The following LARP1B variants were observed in gnomAD, a reference collection of about 807,000 sequenced individuals.
The protein encoded by LARP1B is La ribonucleoprotein 1B.
In LARP1B, 76 loss-of-function variants were observed where a neutral mutation model predicts 114.2. The ratio of observed to expected loss-of-function variants is 0.67; its 90% CI spans 0.55 to 0.81. The LOEUF (loss-of-function observed/expected upper bound fraction) is 0.81. LARP1B is among the 30% of genes least tolerant of loss of function. The pLI is 0.00. For synonymous variants in LARP1B, 345 were observed against 348.0 expected, an observed-to-expected ratio of 0.99 and a Z score of 0.10; for missense variants, 1,014 against 1,075.8, an observed-to-expected ratio of 0.94 and a Z score of 0.80.
At chr4:128,152,117 A>G (rs866318476) in intron 11 of LARP1B, among the ~76,000 whole-genome samples, 9 of 152,014 alleles carry the variant, frequency 5.9e-5, no homozygotes, top group African/African-American at 2.2e-4. Flanking sequence ...ATATTTTAAA[A>G]CTGTGTTCCC....
At chr4:128,068,445 C>G (rs554799028) in intron 1 of LARP1B, among the ~76,000 whole-genome samples, 34 of 152,202 alleles carry the variant, frequency 2.2e-4, no homozygotes, top group Admixed American at 2.1e-3. Context: ...CTCAGCTTCT[C>G]AAGTAGCTAG....
At chr4:128,066,197 GAC>G (rs1238881141) in intron 1 of LARP1B, among the ~76,000 whole-genome samples, 1 of 80,926 alleles carries the variant, frequency 1.2e-5, no homozygotes, top group Non-Finnish European at 2.5e-5. Context: ...GTTATATTGA[GAC>G]AGAGTCTCGC....
At chr4:128,097,780 G>C (rs556917804) in intron 7 of LARP1B, among the ~76,000 whole-genome samples, 14 of 152,114 alleles carry the variant, frequency 9.2e-5, no homozygotes, top group Non-Finnish European at 1.8e-4. Context: ...AAAGGTGGAA[G>C]GCATTATGCT....
chr4:128,091,548 A>C, intron 7 of LARP1B, 36 bp downstream of exon 7: 1 of 1,519,228 alleles, frequency 6.6e-7, no homozygotes, highest in South Asian at 1.3e-5. Flanking sequence ...ACGGGATAGC[A>C]AAATCTGTTG....
chr4:128,173,243 G>A (rs936627372), intron 12 of LARP1B, among the ~76,000 whole-genome samples: 2 of 152,078 alleles, frequency 1.3e-5, no homozygotes, highest in Non-Finnish European at 1.5e-5. Context: ...ATGTGATAAC[G>A]CTGGTCATTT....
intron 3 of LARP1B, 96 bp downstream of exon 3, chr4:128,075,089 C>G: frequency 1.2e-6 from 1 of 845,274 alleles, no homozygotes; most frequent in Non-Finnish European, 1.9e-6. Context: ...AAAGAATTGT[C>G]ATACTGGGGG....
At chr4:128,073,438 AAAAAAAAAAG>A (rs1766230423) in intron 1 of LARP1B, among the ~76,000 whole-genome samples, 1 of 147,570 alleles carries the variant, frequency 6.8e-6, no homozygotes, top group Non-Finnish European at 1.5e-5. Flanking sequence ...AAAAAAAAAA[AAAAAAAAAAG>A]AAAGAAAGAA....
intron 1 of LARP1B, chr4:128,062,232 T>C: frequency 1.0e-6 from 1 of 985,408 alleles, no homozygotes; most frequent in Non-Finnish European, 1.2e-6. Flanking sequence ...CTGTGGTTGC[T>C]CTGCGTTGGG....
intron 15 of LARP1B, among the ~76,000 whole-genome samples, chr4:128,180,163 G>A (rs2150678707): frequency 6.6e-6 from 1 of 152,096 alleles, no homozygotes; most frequent in South Asian, 2.1e-4. Flanking sequence ...TGTTACCTAG[G>A]ATGGTCTCAA....
At chr4:128,161,188 G>A (rs1484083932) in intron 11 of LARP1B, among the ~76,000 whole-genome samples, 1 of 152,038 alleles carries the variant, frequency 6.6e-6, no homozygotes, top group Non-Finnish European at 1.5e-5. Flanking sequence ...AGACATAGAG[G>A]GTCTTTATGG....
In LARP1B at chr4:128,206,550, T is replaced by G; in HGVS notation, c.2419+13T>G. 6.3e-7 allele frequency: 1 copy of G among 1,593,380 alleles called. No homozygotes were observed. Among genetic ancestry groups the G allele is most frequent in the Non-Finnish European group, 8.6e-7 (1 of 1,168,970 alleles). ...GACTACGAATCTGGTAACAATAACATCAGAAAACTTGTACTCTAATTGGAA... is the reference window on the plus strand; with the variant it reads ...GACTACGAATCTGGTAACAATAACAGCAGAAAACTTGTACTCTAATTGGAA... On this transcript the variant is annotated intron_variant, in intron 18 of 19. Coordinates refer to ENST00000326639, the MANE Select transcript of LARP1B (RefSeq NM_018078.4).
At chr4:128,148,523 A>C (rs1204724974) in intron 11 of LARP1B, among the ~76,000 whole-genome samples, 1 of 152,062 alleles carries the variant, frequency 6.6e-6, no homozygotes, top group East Asian at 1.9e-4. Context: ...TGAATTTTGA[A>C]GTACTTGAGC....
rs1758690585 is a variant in LARP1B at position 128,209,997 on chromosome 4, C to T, written c.2689C>T (p.Pro897Ser). 6.2e-6 allele frequency: 10 copies of T among 1,613,970 alleles called. No individual in the cohort carries two copies. Among genetic ancestry groups the T allele is most frequent in the Non-Finnish European group, 8.5e-6 (10 of 1,179,984 alleles). ...TACATCTACCAGTGAGCTTCAGGTA[C>T]CAATAAACTCTCCCAGAAGGAATAT... ...KPTSTSELQVPINSPRRNISP... is the reference protein window; with the variant it reads ...KPTSTSELQVSINSPRRNISP... Residue 897 changes from proline (P) to serine (S), a missense_variant, in exon 20 of 20, where the codon CCA (proline) becomes TCA (serine). Physicochemically the swap from Pro to Ser is moderately conservative, Grantham distance 74. Transcript: ENST00000326639.
intron 9 of LARP1B, 114 bp from the exon 10 acceptor site, chr4:128,114,456 T>A: frequency 1.3e-6 from 1 of 754,514 alleles, no homozygotes; most frequent in Non-Finnish European, 2.2e-6. Context: ...CAGTTGAGAC[T>A]GATCATGTTT....
At chr4:128,199,396 T>C in intron 15 of LARP1B, 43 bp from the exon 16 acceptor site, 1 of 1,455,986 alleles carries the variant, frequency 6.9e-7, no homozygotes, top group Middle Eastern at 1.8e-4. Context: ...TACTTGGTTC[T>C]TGATTTTTCA....
chr4:128,097,463 A>G lies in LARP1B; in HGVS notation c.669-723A>G, dbSNP rs180965583. 5.7e-4 allele frequency among the ~76,000 whole-genome samples: 86 copies of G among 152,018 alleles called. No individual in the cohort carries two copies. In the East Asian group the frequency reaches 0.014, roughly 25 times the overall value. On this transcript the variant is annotated intron_variant, in intron 7 of 19. Transcript: ENST00000326639. ...GCTGGGATTACAGGCATGCGCTACC[A>G]CACCCGGATAATTTTGTGTTTTTAG...
At chr4:128,152,772 A>C (rs918785277) in intron 11 of LARP1B, among the ~76,000 whole-genome samples, 11 of 151,854 alleles carry the variant, frequency 7.2e-5, no homozygotes, top group Non-Finnish European at 1.5e-5. Context: ...AGAATATCTC[A>C]AACCTAGTCA....
chr4:128,150,819 A>G (rs1278734489), intron 11 of LARP1B, among the ~76,000 whole-genome samples: 1 of 152,240 alleles, frequency 6.6e-6, no homozygotes, highest in Non-Finnish European at 1.5e-5. Context: ...ACTGTAATTC[A>G]CATTGACATG....
At chr4:128,099,919 A>C (rs2149708188) in intron 8 of LARP1B, among the ~76,000 whole-genome samples, 1 of 152,222 alleles carries the variant, frequency 6.6e-6, no homozygotes, top group African/African-American at 2.4e-5. Flanking sequence ...CAGTTTTTTG[A>C]ATAATAGATA....
Sources: gnomAD v4.1 joint callset for allele counts (sites outside exome capture counted in the v4.1 genomes callset) on GRCh38, gnomAD v4.1.1 for gene constraint, MANE v1.5 for transcripts, NCBI Gene and HGNC (gene_info 2026-07-23, HGNC 2026-07-21) for gene names.